MORC1: variants seen among roughly 807,000 people sequenced by gnomAD.
MORC1 encodes the protein MORC family CW-type zinc finger 1, also known as MORC family CW-type zinc finger protein 1.
MORC1 carries 59 observed loss-of-function variants against 134.9 expected under a neutral mutation model. That is an observed-to-expected ratio of 0.44 (90% CI 0.35 to 0.54). MORC1 has a LOEUF of 0.54. Among genes scored for constraint, MORC1 ranks in the 20% least tolerant of loss-of-function variants. The pLI is 0.00. For synonymous variants in MORC1, 395 were observed against 391.7 expected (o/e 1.01, Z -0.10); for missense variants, 947 against 1,134.5 (o/e 0.83, Z 2.37).
chr3:109,025,728 G>A lies in MORC1; in HGVS notation c.1704+2023C>T, dbSNP rs371764706. 7.9e-5 allele frequency among the ~76,000 whole-genome samples: 12 copies of A among 152,166 alleles called. 1 individual carries two copies. Among genetic ancestry groups the A allele is most frequent in the East Asian group, 3.9e-4 (2 of 5,170 alleles). The stretch of plus-strand genomic sequence containing the variant: ...ATTGAAGCTGCCCTCACTATCTCCT[G>A]CAGTAAACTTCTATTGCAGTGTCAG... On this transcript the variant is annotated intron_variant, in intron 17 of 27. Coordinates refer to ENST00000232603, the MANE Select transcript of MORC1 (RefSeq NM_014429.4).
At chr3:109,014,088 T>C (rs2107559152) in intron 17 of MORC1, among the ~76,000 whole-genome samples, 1 of 152,356 alleles carries the variant, frequency 6.6e-6, no homozygotes, top group African/African-American at 2.4e-5. Flanking sequence ...TTTCCTAGTT[T>C]GACTAAAATT....
intron 18 of MORC1, among the ~76,000 whole-genome samples, chr3:109,005,980 T>C (rs1948530649): frequency 6.6e-6 from 1 of 152,210 alleles, no homozygotes; most frequent in South Asian, 2.1e-4. Flanking sequence ...AAAGTTATGA[T>C]ACAGTTGTGT....
intron 3 of MORC1, among the ~76,000 whole-genome samples, chr3:109,108,669 G>T (rs1001183197): frequency 1.3e-5 from 2 of 152,072 alleles, no homozygotes; most frequent in African/African-American, 2.4e-5. Context: ...AGGCCGAGGC[G>T]GGCGGATCAC....
At chr3:109,000,808 T>A in intron 20 of MORC1, 150 bp from the exon 21 acceptor site, 1 of 596,836 alleles carries the variant, frequency 1.7e-6, no homozygotes. Context: ...TTGTGTATGA[T>A]AAGCGCTTGA....
At chr3:108,993,127 T>C (rs1948112578) in intron 21 of MORC1, among the ~76,000 whole-genome samples, 1 of 152,184 alleles carries the variant, frequency 6.6e-6, no homozygotes, top group South Asian at 2.1e-4. Flanking sequence ...GTGTACAGCC[T>C]GTATCCTTTC....
intron 14 of MORC1, among the ~76,000 whole-genome samples, chr3:109,040,424 G>GA: frequency 5.4e-5 from 4 of 74,050 alleles, no homozygotes; most frequent in African/African-American, 9.1e-5. Flanking sequence ...AGGAAGGAAG[G>GA]AAGGAAAGAA....
intron 17 of MORC1, among the ~76,000 whole-genome samples, chr3:109,016,451 C>T (rs1260985937): frequency 1.3e-5 from 2 of 152,112 alleles, no homozygotes; most frequent in Non-Finnish European, 2.9e-5. Context: ...GTGTGAACAC[C>T]CTTAACTTCT....
chr3:109,020,569 A>G (rs982817454), intron 17 of MORC1, among the ~76,000 whole-genome samples: 6 of 152,112 alleles, frequency 3.9e-5, no homozygotes, highest in African/African-American at 1.2e-4. Context: ...GATCGAGACC[A>G]TCCTGGCTAA....
intron 24 of MORC1, among the ~76,000 whole-genome samples, chr3:108,972,341 T>C (rs71321282): frequency 0.025 from 3,858 of 152,286 alleles, 80 homozygotes; most frequent in Middle Eastern, 0.11. Flanking sequence ...TCTAAGGGAT[T>C]TGCAAAATTT....
rs541427007 is a variant in MORC1 at position 109,069,263 on chromosome 3, A to T, written c.815+369T>A. 9.8e-5 allele frequency among the ~76,000 whole-genome samples: 15 copies of T among 152,352 alleles called. No homozygotes were observed. The South Asian group carries it at 3.1e-3, about 32-fold the overall frequency. ...TAAATATATTCATTCTATATGTATAATATAAATATGTATATATATGGTTTA... is the reference window on the plus strand; with the variant it reads ...TAAATATATTCATTCTATATGTATATTATAAATATGTATATATATGGTTTA... On this transcript the variant is annotated intron_variant, in intron 9 of 27. Transcript: ENST00000232603.
intron 17 of MORC1, among the ~76,000 whole-genome samples, chr3:109,010,686 A>C (rs1948661801): frequency 6.6e-6 from 1 of 152,096 alleles, no homozygotes; most frequent in South Asian, 2.1e-4. Flanking sequence ...CCCATCCCTA[A>C]CCAACCACTG....
At chr3:108,970,630 C>A (rs1181857203) in intron 25 of MORC1, among the ~76,000 whole-genome samples, 1 of 152,172 alleles carries the variant, frequency 6.6e-6, no homozygotes, top group African/African-American at 2.4e-5. Flanking sequence ...CAAGTGTATC[C>A]ATCATCTCCA....
intron 8 of MORC1, among the ~76,000 whole-genome samples, chr3:109,085,210 G>C (rs1348297455): frequency 6.6e-6 from 1 of 151,706 alleles, no homozygotes; most frequent in Non-Finnish European, 1.5e-5. Context: ...GTGTCTGTGT[G>C]TGTGTAAGAA....
intron 17 of MORC1, among the ~76,000 whole-genome samples, chr3:109,013,117 A>T (rs1473206524): frequency 6.6e-6 from 1 of 152,074 alleles, no homozygotes; most frequent in East Asian, 1.9e-4. Flanking sequence ...GAATGGCTAT[A>T]GTTGCTTCTT....
intron 21 of MORC1, among the ~76,000 whole-genome samples, chr3:108,992,200 T>C (rs1948082451): frequency 1.3e-5 from 2 of 152,178 alleles, no homozygotes; most frequent in South Asian, 2.1e-4. Context: ...CAAATATCTC[T>C]TGTTATAATC....
chr3:109,044,015 C>T (rs3804682), intron 14 of MORC1, among the ~76,000 whole-genome samples: 31,042 of 152,040 alleles, frequency 0.2, 3,518 homozygotes, highest in Middle Eastern at 0.33. Flanking sequence ...GCTGAAAGCA[C>T]ACAGCTAATT....
At chr3:109,080,367 C>T (rs536196757) in intron 8 of MORC1, among the ~76,000 whole-genome samples, 2 of 152,232 alleles carry the variant, frequency 1.3e-5, no homozygotes, top group African/African-American at 4.8e-5. Flanking sequence ...AAGAACACCA[C>T]AGCAAAGACT....
intron 21 of MORC1, among the ~76,000 whole-genome samples, chr3:109,000,320 T>C (rs546421623): frequency 1.3e-5 from 2 of 152,304 alleles, no homozygotes; most frequent in East Asian, 1.9e-4. Context: ...CTTACCCAGA[T>C]AACTAAAACA....
intron 14 of MORC1, among the ~76,000 whole-genome samples, chr3:109,040,760 G>A (rs1202638588): frequency 2.0e-5 from 3 of 147,226 alleles, no homozygotes; most frequent in Non-Finnish European, 4.5e-5. Context: ...AAACTGGGAG[G>A]CAGAGGTTGC....
Sources: gnomAD v4.1 joint callset for allele counts (sites outside exome capture counted in the v4.1 genomes callset) on GRCh38, gnomAD v4.1.1 for gene constraint, MANE v1.5 for transcripts, NCBI Gene and HGNC (gene_info 2026-07-23, HGNC 2026-07-21) for gene names.